PALS1: variants seen among roughly 807,000 people sequenced by gnomAD.
PALS1 encodes the protein protein PALS1.
In PALS1, 31 loss-of-function variants were observed where a neutral mutation model predicts 78.9. The ratio of observed to expected loss-of-function variants is 0.39; its 90% CI spans 0.30 to 0.53. The LOEUF (loss-of-function observed/expected upper bound fraction) is 0.53, where lower values mean the gene tolerates loss of function less well. PALS1 is among the 20% of genes least tolerant of loss of function. PALS1 has a pLI of 0.67. For synonymous variants in PALS1, 276 were observed against 270.9 expected (o/e 1.02, Z -0.18); for missense variants, 704 against 826.5 (o/e 0.85, Z 1.82).
chr14:67,259,925 G>A (rs1412156854), intron 1 of PALS1, among the ~76,000 whole-genome samples: 3 of 149,442 alleles, frequency 2.0e-5, no homozygotes, highest in Admixed American at 6.7e-5. Context: ...AAATGTATTT[G>A]TCTTAAGTTT....
chr14:67,244,285 A>G (rs1303062214), intron 1 of PALS1, among the ~76,000 whole-genome samples: 2 of 152,226 alleles, frequency 1.3e-5, no homozygotes, highest in Non-Finnish European at 2.9e-5. Context: ...GGAATTGCTG[A>G]TAATAGGTTG....
intron 7 of PALS1, 107 bp downstream of exon 7, chr14:67,302,678 T>G: frequency 1.1e-6 from 1 of 876,188 alleles, no homozygotes; most frequent in Non-Finnish European, 1.6e-6. Flanking sequence ...AGATGATTTC[T>G]AGCCTGATTT....
chr14:67,332,635 C>A (rs2085467508), intron 14 of PALS1, 145 bp from the exon 15 acceptor site: 3 of 725,378 alleles, frequency 4.1e-6, no homozygotes, highest in Non-Finnish European at 4.3e-6. Flanking sequence ...GTGGCCGTGA[C>A]AGGGTTGGAA....
chr14:67,255,325 T>G (rs1290721245), intron 1 of PALS1, among the ~76,000 whole-genome samples: 1 of 152,198 alleles, frequency 6.6e-6, no homozygotes, highest in African/African-American at 2.4e-5. Flanking sequence ...AGTTTGTCAT[T>G]GTGAGTTATT....
At chr14:67,295,930 T>C (rs2084841120) in intron 4 of PALS1, among the ~76,000 whole-genome samples, 1 of 151,892 alleles carries the variant, frequency 6.6e-6, no homozygotes, top group South Asian at 2.1e-4. Flanking sequence ...AACCAGATAA[T>C]AGAAACCAAA....
At chr14:67,273,117 C>CTT (rs57837325) in intron 2 of PALS1, among the ~76,000 whole-genome samples, 2 of 143,068 alleles carry the variant, frequency 1.4e-5, no homozygotes, top group Non-Finnish European at 3.1e-5. Context: ...ATATTTCTTT[C>CTT]TTTTTTTTTT....
Position 67,289,893 on chromosome 14 carries a change from C to T in PALS1, c.368-2618C>T, listed in dbSNP as rs543775738. ...TCACGCCATTCTCCTGCCTCAGCCT[C>T]TCGAGTAGCTGGGACTACAGGCACC... On this transcript the variant is annotated intron_variant, in intron 3 of 14. Coordinates refer to ENST00000261681, the MANE Select transcript of PALS1 (RefSeq NM_022474.4). Among the ~76,000 whole-genome samples, 5 of 151,618 alleles carry T rather than the reference C, an allele frequency of 3.3e-5. No individual in the cohort carries two copies. In the South Asian group the frequency reaches 1.0e-3, roughly 32 times the overall value.
chr14:67,301,901 A>G (rs1417652736), intron 5 of PALS1, 71 bp from the exon 6 acceptor site: 3 of 1,477,268 alleles, frequency 2.0e-6, no homozygotes, highest in Admixed American at 2.3e-5. Flanking sequence ...TACTATGTAC[A>G]TAGGTTAAAA....
chr14:67,319,804 C>T (rs2085235131), intron 11 of PALS1, among the ~76,000 whole-genome samples: 1 of 152,160 alleles, frequency 6.6e-6, no homozygotes, highest in Non-Finnish European at 1.5e-5. Context: ...ATGTAAATGT[C>T]GGTCTATGCT....
At chr14:67,283,260 G>A (rs2084629549) in intron 3 of PALS1, among the ~76,000 whole-genome samples, 1 of 152,130 alleles carries the variant, frequency 6.6e-6, no homozygotes. Context: ...ATTAGTGTCT[G>A]CATATTTTTT....
intron 1 of PALS1, among the ~76,000 whole-genome samples, chr14:67,250,072 C>T (rs569308690): frequency 2.2e-4 from 33 of 152,008 alleles, no homozygotes; most frequent in Non-Finnish European, 3.7e-4. Flanking sequence ...TTCACTAGAG[C>T]GATTTTATGG....
At chr14:67,246,376 ACT>A (rs1187833856) in intron 1 of PALS1, among the ~76,000 whole-genome samples, 2 of 150,652 alleles carry the variant, frequency 1.3e-5, no homozygotes, top group African/African-American at 4.9e-5. Flanking sequence ...ACAGGGTCTC[ACT>A]CTGTCACCCA....
intron 1 of PALS1, among the ~76,000 whole-genome samples, chr14:67,247,636 T>C (rs1019450081): frequency 1.3e-5 from 2 of 152,116 alleles, no homozygotes; most frequent in Non-Finnish European, 2.9e-5. Flanking sequence ...TAAAGTGTAG[T>C]GGCGCAGCAC....
chr14:67,323,632 A>G (rs2085303105), intron 13 of PALS1, 70 bp from the exon 14 acceptor site: 1 of 392,690 alleles, frequency 2.5e-6, no homozygotes, highest in East Asian at 6.0e-5. Flanking sequence ...ATATATATAT[A>G]TATATCAGTA....
At position 67,334,727 on chromosome 14, in the gene PALS1, T is replaced by C. The variant is rs147144654; in HGVS notation, c.*1771T>C. ...TGCCATACACTACTGTCTCTTCAGA[T>C]CTGAAATACTCCAGTTTAGAGCCAG... On this transcript the variant is annotated 3_prime_UTR_variant, in exon 15 of 15. Coordinates refer to ENST00000261681, the MANE Select transcript of PALS1 (RefSeq NM_022474.4). 8.5e-5 allele frequency: 13 copies of C among 152,374 alleles called. No individual in the cohort carries two copies. Among genetic ancestry groups the C allele is most frequent in the African/African-American group, 3.1e-4 (13 of 41,574 alleles). The allele number at this position is 152,374 out of a possible 1,614,324, so 9.4% of individuals were successfully genotyped here.
At chr14:67,274,322 G>A (rs2084462044) in intron 2 of PALS1, among the ~76,000 whole-genome samples, 1 of 152,178 alleles carries the variant, frequency 6.6e-6, no homozygotes, top group South Asian at 2.1e-4. Flanking sequence ...AAGGGATCCA[G>A]TTTCAGCTTT....
intron 1 of PALS1, among the ~76,000 whole-genome samples, chr14:67,261,102 A>G (rs984529495): frequency 1.3e-5 from 2 of 152,200 alleles, no homozygotes; most frequent in African/African-American, 4.8e-5. Flanking sequence ...GAGATAATGT[A>G]TGTCAGGTGC....
intron 2 of PALS1, among the ~76,000 whole-genome samples, chr14:67,277,188 T>C (rs956492262): frequency 3.3e-5 from 5 of 152,204 alleles, no homozygotes; most frequent in African/African-American, 1.2e-4. Flanking sequence ...AAAAATCAAA[T>C]AGCTGTCATG....
chr14:67,272,983 C>T (rs560870125), intron 2 of PALS1, among the ~76,000 whole-genome samples: 4 of 152,176 alleles, frequency 2.6e-5, no homozygotes, highest in Non-Finnish European at 4.4e-5. Flanking sequence ...CTGTAACCTT[C>T]GTATTTCTTG....
Sources: gnomAD v4.1 joint callset for allele counts (sites outside exome capture counted in the v4.1 genomes callset) on GRCh38, gnomAD v4.1.1 for gene constraint, MANE v1.5 for transcripts, NCBI Gene and HGNC (gene_info 2026-07-23, HGNC 2026-07-21) for gene names.